CSMD1: variants seen among roughly 807,000 people sequenced by gnomAD.
CSMD1 encodes the protein CUB and Sushi multiple domains 1.
Under a neutral mutation model 417.5 loss-of-function variants are expected in CSMD1, and 213 were observed. That is an observed-to-expected ratio of 0.51 (90% CI 0.46 to 0.57). The LOEUF is 0.57. Among genes scored for constraint, CSMD1 ranks in the 20% least tolerant of loss-of-function variants. CSMD1 has a pLI of 0.00. For synonymous variants in CSMD1, 2,862 were observed against 1,736.8 expected (o/e 1.65, Z -16.11); for missense variants, 6,923 against 4,529.7 (o/e 1.53, Z -15.17).
At chr8:3,806,572 A>C (rs983936490) in intron 5 of CSMD1, among the ~76,000 whole-genome samples, 33 of 152,218 alleles carry the variant, frequency 2.2e-4, no homozygotes, top group African/African-American at 6.3e-4. Context: ...TAGAAATGTA[A>C]ACTCCTGCAG....
intron 3 of CSMD1, among the ~76,000 whole-genome samples, chr8:4,326,644 C>A (rs111819643): frequency 7.9e-5 from 12 of 152,166 alleles, no homozygotes; most frequent in African/African-American, 2.7e-4. Flanking sequence ...ATAAAAGCAT[C>A]TACCCAACGT....
At chr8:4,768,230 G>A (rs183464139) in intron 1 of CSMD1, among the ~76,000 whole-genome samples, 27 of 152,210 alleles carry the variant, frequency 1.8e-4, no homozygotes, top group Admixed American at 1.8e-3. Flanking sequence ...TCCCATGAGT[G>A]CTGCTCTGTG....
rs143119319 is a variant in CSMD1, at chr8:3,191,637, C to T, written c.5195-1522G>A. The stretch of plus-strand genomic sequence containing the variant: ...TACTGACAGGTAAGTATCAGTGCAA[C>T]GTGTGGGTGAGATAACTATTCAGGT... On this transcript the variant is annotated intron_variant, in intron 33 of 69. Coordinates refer to ENST00000635120, the MANE Select transcript of CSMD1 (RefSeq NM_033225.6). Among the ~76,000 whole-genome samples the T allele has an allele frequency of 4.6e-5, 7 of 152,016 alleles. No individual in the cohort carries two copies. In the East Asian group the frequency reaches 1.2e-3, roughly 25 times the overall value.
intron 5 of CSMD1, among the ~76,000 whole-genome samples, chr8:3,959,567 T>C (rs1193869096): frequency 2.0e-5 from 3 of 152,208 alleles, no homozygotes; most frequent in Non-Finnish European, 4.4e-5. Flanking sequence ...TTCCCATAGT[T>C]TTTGTCTCTT....
chr8:3,967,550 T>C (rs1472162743), intron 5 of CSMD1, among the ~76,000 whole-genome samples: 6 of 151,982 alleles, frequency 3.9e-5, no homozygotes, highest in Non-Finnish European at 2.9e-5. Context: ...GAAGCATGAG[T>C]GAGTTCAGCA....
intron 2 of CSMD1, among the ~76,000 whole-genome samples, chr8:4,607,971 T>C (rs1451186620): frequency 6.6e-6 from 1 of 152,132 alleles, no homozygotes; most frequent in African/African-American, 2.4e-5. Context: ...CCCACCTGTA[T>C]CAATGTTATT....
chr8:4,675,612 G>C (rs560994249), intron 1 of CSMD1, among the ~76,000 whole-genome samples: 2 of 151,912 alleles, frequency 1.3e-5, no homozygotes, highest in Admixed American at 6.5e-5. Flanking sequence ...ATTACAATGA[G>C]GACAGAATAA....
chr8:4,678,108 C>T (rs1215429065), intron 1 of CSMD1, among the ~76,000 whole-genome samples: 1 of 151,810 alleles, frequency 6.6e-6, no homozygotes, highest in Non-Finnish European at 1.5e-5. Context: ...CTGGAAGGAG[C>T]AAAACAGTCT....
At chr8:4,173,556 A>G (rs1700027) in intron 3 of CSMD1, among the ~76,000 whole-genome samples, 26,671 of 152,042 alleles carry the variant, frequency 0.18, 2,572 homozygotes, top group East Asian at 0.3. Context: ...GGAGAAAGAT[A>G]AAATTATCAA....
intron 22 of CSMD1, among the ~76,000 whole-genome samples, chr8:3,345,074 A>G (rs1245547401): frequency 6.6e-6 from 1 of 152,216 alleles, no homozygotes; most frequent in African/African-American, 2.4e-5. Flanking sequence ...TACCCCGTAT[A>G]CCATGGAATT....
intron 7 of CSMD1, among the ~76,000 whole-genome samples, chr8:3,673,359 T>C (rs941072842): frequency 6.6e-6 from 1 of 152,220 alleles, no homozygotes; most frequent in Admixed American, 6.5e-5. Flanking sequence ...TGCAATTTCA[T>C]GATTCAGTAT....
chr8:4,872,736 A>T (rs765031290), intron 1 of CSMD1, among the ~76,000 whole-genome samples: 12 of 152,132 alleles, frequency 7.9e-5, no homozygotes, highest in Admixed American at 1.3e-4. Flanking sequence ...CCTGTGGATT[A>T]AAAGATAATT....
intron 5 of CSMD1, among the ~76,000 whole-genome samples, chr8:3,987,137 G>A (rs547915010): frequency 6.6e-6 from 1 of 152,280 alleles, no homozygotes; most frequent in African/African-American, 2.4e-5. Context: ...TACACACACA[G>A]CGTCTATCCG....
chr8:3,821,088 T>C (rs13263503), intron 5 of CSMD1, among the ~76,000 whole-genome samples: 97,516 of 151,658 alleles, frequency 0.64, 31,745 homozygotes, highest in East Asian at 0.83. Context: ...GGTTACTTTT[T>C]TGTATTTTTA....
chr8:3,105,220 G>T (rs951553505), intron 46 of CSMD1, among the ~76,000 whole-genome samples: 1 of 152,168 alleles, frequency 6.6e-6, no homozygotes, highest in African/African-American at 2.4e-5. Flanking sequence ...CACAGTGCAG[G>T]GAAGAGTGAC....
chr8:3,965,852 C>T (rs114632715), intron 5 of CSMD1, among the ~76,000 whole-genome samples: 2,706 of 152,184 alleles, frequency 0.018, 88 homozygotes, highest in African/African-American at 0.062. Context: ...CTCTTGACCT[C>T]ATACTGTGCC....
At chr8:4,112,534 G>A (rs535403322) in intron 3 of CSMD1, among the ~76,000 whole-genome samples, 4 of 152,278 alleles carry the variant, frequency 2.6e-5, no homozygotes, top group African/African-American at 7.2e-5. Context: ...ATCCCAAACT[G>A]GACACAGCAC....
intron 3 of CSMD1, among the ~76,000 whole-genome samples, chr8:4,225,047 G>C (rs1037787453): frequency 4.6e-5 from 7 of 152,182 alleles, no homozygotes; most frequent in Admixed American, 6.5e-5. Flanking sequence ...TAGAGGCAGA[G>C]GTTGCAGTGA....
chr8:3,230,533 C>T (rs1482486100), intron 26 of CSMD1, among the ~76,000 whole-genome samples: 1 of 152,086 alleles, frequency 6.6e-6, no homozygotes, highest in Non-Finnish European at 1.5e-5. Context: ...CATACATACA[C>T]ACAGACTGAT....
Sources: gnomAD v4.1 joint callset for allele counts (sites outside exome capture counted in the v4.1 genomes callset) on GRCh38, gnomAD v4.1.1 for gene constraint, MANE v1.5 for transcripts, NCBI Gene and HGNC (gene_info 2026-07-23, HGNC 2026-07-21) for gene names.